Variants in PDE10A observed in about 807,000 individuals in gnomAD.
PDE10A encodes the protein phosphodiesterase 10A.
Under a neutral mutation model 97.7 loss-of-function variants are expected in PDE10A, and 39 were observed. The observed-to-expected ratio is 0.40, with a 90% CI of 0.31 to 0.52. The LOEUF is 0.52. PDE10A is among the 20% of genes least tolerant of loss of function. PDE10A has a pLI of 0.56. For missense variants in PDE10A, 731 were observed against 1,047.8 expected (o/e 0.70, Z 4.17); for synonymous variants, 371 against 376.8 (o/e 0.98, Z 0.18).
At chr6:165,392,155 C>T (rs558186769) in intron 16 of PDE10A, among the ~76,000 whole-genome samples, 6 of 152,240 alleles carry the variant, frequency 3.9e-5, no homozygotes, top group African/African-American at 1.4e-4. Context: ...TCTGAGATTA[C>T]GAAAGCTTTG....
chr6:165,445,892 TAGAG>T (rs145999232), intron 5 of PDE10A, among the ~76,000 whole-genome samples: 14,919 of 144,818 alleles, frequency 0.1, 889 homozygotes, highest in Middle Eastern at 0.19. Context: ...AATTCACAGT[TAGAG>T]AGAGAGAGAG....
chr6:165,862,773 G>C (rs1461732925), intron 1 of PDE10A, among the ~76,000 whole-genome samples: 1 of 151,188 alleles, frequency 6.6e-6, no homozygotes, highest in East Asian at 1.9e-4. Flanking sequence ...CCTCCTCCCA[G>C]GTTCAAGCAA....
intron 3 of PDE10A, among the ~76,000 whole-genome samples, chr6:165,470,326 C>A (rs892397242): frequency 2.0e-5 from 3 of 152,172 alleles, no homozygotes; most frequent in Non-Finnish European, 4.4e-5. Flanking sequence ...TCTAATCCAG[C>A]CTTCTGTACG....
chr6:165,454,466 G>C (rs577243572), intron 3 of PDE10A, among the ~76,000 whole-genome samples: 5 of 152,326 alleles, frequency 3.3e-5, no homozygotes, highest in Admixed American at 1.3e-4. Context: ...GACCTTAAGA[G>C]ATGATTAGGT....
At chr6:165,640,097 C>T (rs888576748) in intron 1 of PDE10A, among the ~76,000 whole-genome samples, 1 of 151,422 alleles carries the variant, frequency 6.6e-6, no homozygotes, top group African/African-American at 2.4e-5. Context: ...ATCTATACAA[C>T]CTTGAATCGA....
intron 1 of PDE10A, among the ~76,000 whole-genome samples, chr6:165,981,801 C>G (rs1262353911): frequency 2.6e-5 from 4 of 152,056 alleles, no homozygotes; most frequent in Non-Finnish European, 5.9e-5. Context: ...AGGGCCATGC[C>G]CATTTTTTAA....
intron 1 of PDE10A, among the ~76,000 whole-genome samples, chr6:165,602,477 G>T (rs1035759605): frequency 3.9e-5 from 6 of 152,202 alleles, no homozygotes; most frequent in African/African-American, 1.4e-4. Context: ...GAAACTGAGC[G>T]GGAACAACAT....
intron 1 of PDE10A, among the ~76,000 whole-genome samples, chr6:165,691,201 C>CT (rs1491589495): frequency 2.1e-4 from 5 of 24,034 alleles, no homozygotes; most frequent in South Asian, 1.6e-3. Context: ...CTCTCTCTCT[C>CT]CCCACACACA....
At chr6:165,955,188 C>T (rs1249512103) in intron 1 of PDE10A, among the ~76,000 whole-genome samples, 1 of 152,184 alleles carries the variant, frequency 6.6e-6, no homozygotes, top group Non-Finnish European at 1.5e-5. Context: ...CCAAGTTCTC[C>T]ACATAGCCCG....
Position 165,691,105 on chromosome 6 carries a change from C to CT in PDE10A, c.-614-147538dup, listed in dbSNP as rs1383058179. 5.9e-3 allele frequency among the ~76,000 whole-genome samples: 201 copies of CT among 33,982 alleles called. 12 individuals carry two copies. The highest frequency in any genetic ancestry group is 0.017 in the African/African-American group (192 of 10,990). 22.3% of individuals were successfully genotyped at this position (33,982 alleles called of 152,430 possible). On this transcript the variant is annotated intron_variant, in intron 1 of 19. Coordinates refer to the PDE10A transcript ENST00000366882. ...TCTCTCTCTCTCTCTCTCTTTCTCT[C>CT]TCCCCCCCCCCATCAGTGCCTGTGG...
chr6:165,556,879 C>G (rs1314741615), intron 1 of PDE10A, among the ~76,000 whole-genome samples: 1 of 152,050 alleles, frequency 6.6e-6, no homozygotes, highest in Non-Finnish European at 1.5e-5. Flanking sequence ...GTGGCTCATG[C>G]CTGTTATCTC....
rs545149187 is a variant in PDE10A at position 165,542,612 on chromosome 6, C to CTTTTT, written c.994+823_994+827dup. On this transcript the variant is annotated intron_variant, in intron 2 of 21. Coordinates refer to ENST00000539869, the MANE Select transcript of PDE10A (RefSeq NM_001385079.1). Reference sequence around the variant, plus strand: ...TTTAGGTCAAAAAGATGTCCTTGTTCTTTTTTTTTTTTTTTTTTTTTTTTT... The same window carrying CTTTTT: ...TTTAGGTCAAAAAGATGTCCTTGTTCTTTTTTTTTTTTTTTTTTTTTTTTTTTTTT... 1.4e-4 allele frequency among the ~76,000 whole-genome samples: 11 copies of CTTTTT among 76,456 alleles called. 1 individual carries two copies. The South Asian group carries it at 1.9e-3, about 13-fold the overall frequency. 50.2% of individuals were successfully genotyped at this position (76,456 alleles called of 152,430 possible). A position where few individuals can be genotyped will look rare whatever the true frequency, so the allele number is the denominator to read the frequency against.
upstream of PDE10A, among the ~76,000 whole-genome samples, chr6:165,664,945 G>A (rs1183166602): frequency 6.6e-6 from 1 of 152,208 alleles, no homozygotes; most frequent in African/African-American, 2.4e-5. Context: ...GGGCGCAGGA[G>A]ACAGGGTGGG....
chr6:165,865,488 T>C (rs1298319451), intron 1 of PDE10A, among the ~76,000 whole-genome samples: 2 of 151,828 alleles, frequency 1.3e-5, no homozygotes, highest in African/African-American at 4.8e-5. Flanking sequence ...GAATTCAAAA[T>C]TATGATATTA....
intron 2 of PDE10A, among the ~76,000 whole-genome samples, chr6:165,525,351 G>A (rs560051957): frequency 9.9e-5 from 15 of 152,128 alleles, no homozygotes; most frequent in East Asian, 1.9e-4. Context: ...GTTGCAGCTC[G>A]GGGAGTTAAA....
At chr6:165,352,567 C>G (rs180674974) in intron 18 of PDE10A, among the ~76,000 whole-genome samples, 1 of 151,606 alleles carries the variant, frequency 6.6e-6, no homozygotes, top group East Asian at 1.9e-4. Context: ...GGATATTTAC[C>G]AAGCTCATAA....
At chr6:165,372,699 G>A (rs1015823634) in intron 18 of PDE10A, among the ~76,000 whole-genome samples, 2 of 141,910 alleles carry the variant, frequency 1.4e-5, no homozygotes, top group East Asian at 4.1e-4. Context: ...AGCTACCAAT[G>A]ACTTTCTTCA....
intron 1 of PDE10A, chr6:165,939,892 C>G (rs893410371): frequency 6.6e-6 from 1 of 152,218 alleles, no homozygotes; most frequent in Non-Finnish European, 1.5e-5. Flanking sequence ...TTAAGACCTC[C>G]GTGGAGAATC....
chr6:165,407,077 T>G (rs1674926698), intron 13 of PDE10A, among the ~76,000 whole-genome samples: 1 of 152,298 alleles, frequency 6.6e-6, no homozygotes, highest in East Asian at 1.9e-4. Flanking sequence ...TCCATAATCA[T>G]ATGAACCAAT....
Sources: allele counts gnomAD v4.1 joint callset (sites outside exome capture counted in the v4.1 genomes callset), GRCh38; gene constraint gnomAD v4.1.1; transcripts MANE v1.5; gene names NCBI Gene and HGNC (gene_info 2026-07-23, HGNC 2026-07-21).